The following MCTP1 variants were observed in gnomAD, a reference collection of about 807,000 sequenced individuals.
MCTP1 encodes multiple C2 and transmembrane domain-containing protein 1.
MCTP1 carries 69 observed loss-of-function variants against 120.6 expected under a neutral mutation model. That is an observed-to-expected ratio of 0.57 (90% CI 0.47 to 0.70). The LOEUF is 0.70. Among genes scored for constraint, MCTP1 ranks in the 30% least tolerant of loss-of-function variants. The pLI, the probability that MCTP1 is intolerant of heterozygous loss-of-function variation, is 0.00. For synonymous variants in MCTP1, 529 were observed against 493.1 expected (o/e 1.07, Z -0.96); for missense variants, 1,203 against 1,248.8 (o/e 0.96, Z 0.55).
chr5:94,931,800 AC>A (rs1020444578), intron 6 of MCTP1, 152 bp downstream of exon 6: 17 of 651,310 alleles, frequency 2.6e-5, no homozygotes, highest in African/African-American at 2.4e-4. Flanking sequence ...TATTTAAAAA[AC>A]ATCACATGGT....
chr5:94,832,767 G>A (rs1171487567), intron 17 of MCTP1, among the ~76,000 whole-genome samples: 2 of 152,166 alleles, frequency 1.3e-5, no homozygotes, highest in Admixed American at 6.5e-5. Context: ...GTGGGCCCTT[G>A]TAGTGCAATT....
chr5:95,246,663 A>G (rs954668408), intron 1 of MCTP1, among the ~76,000 whole-genome samples: 16 of 152,218 alleles, frequency 1.1e-4, no homozygotes, highest in African/African-American at 3.9e-4. Context: ...TTCATAAAGC[A>G]AGTCCTTAGA....
chr5:95,018,534 C>CAAAT (rs35546416), intron 1 of MCTP1, among the ~76,000 whole-genome samples: 25,158 of 150,818 alleles, frequency 0.17, 2,521 homozygotes, highest in East Asian at 0.46. Flanking sequence ...AAGACCAAGG[C>CAAAT]AAATAGCTTT....
At chr5:94,915,901 G>C (rs1301091640) in intron 8 of MCTP1, among the ~76,000 whole-genome samples, 3 of 152,040 alleles carry the variant, frequency 2.0e-5, no homozygotes, top group African/African-American at 7.2e-5. Flanking sequence ...TAACCCAGAA[G>C]AACATTTCCA....
At chr5:94,804,116 G>A (rs561195604) in intron 17 of MCTP1, among the ~76,000 whole-genome samples, 1 of 152,274 alleles carries the variant, frequency 6.6e-6, no homozygotes, top group South Asian at 2.1e-4. Context: ...AATGATAGTT[G>A]CTTTAAGCTA....
intron 12 of MCTP1, among the ~76,000 whole-genome samples, chr5:94,878,467 T>C (rs1799382871): frequency 6.6e-6 from 1 of 152,056 alleles, no homozygotes; most frequent in Admixed American, 6.6e-5. Flanking sequence ...GGCAAGAAAA[T>C]TGACACCCTA....
chr5:94,909,057 C>T (rs1023599056), intron 10 of MCTP1, among the ~76,000 whole-genome samples, 194 bp downstream of exon 10: 4 of 152,020 alleles, frequency 2.6e-5, no homozygotes, highest in Non-Finnish European at 5.9e-5. Context: ...AGCCTGTGTC[C>T]ATCAACTGGT....
chr5:94,811,542 A>C (rs1225120521), intron 17 of MCTP1, among the ~76,000 whole-genome samples: 1 of 152,124 alleles, frequency 6.6e-6, no homozygotes, highest in Admixed American at 6.6e-5. Context: ...GTAATTCTGA[A>C]ATGTTTTCTT....
At chr5:94,779,793 AAAAT>A (rs1268297425) in intron 18 of MCTP1, among the ~76,000 whole-genome samples, 1 of 152,180 alleles carries the variant, frequency 6.6e-6, no homozygotes, top group Non-Finnish European at 1.5e-5. Flanking sequence ...AATGAAACTT[AAAAT>A]AATATATAAT....
intron 1 of MCTP1, among the ~76,000 whole-genome samples, chr5:95,198,434 TGA>T (rs1257181561): frequency 6.6e-6 from 1 of 152,150 alleles, no homozygotes; most frequent in African/African-American, 2.4e-5. Flanking sequence ...ATAAATTATA[TGA>T]GATATTCCAT....
At chr5:95,271,577 T>C (rs985506081) in intron 1 of MCTP1, among the ~76,000 whole-genome samples, 3 of 152,158 alleles carry the variant, frequency 2.0e-5, no homozygotes, top group African/African-American at 4.8e-5. Flanking sequence ...AAAACACTAA[T>C]GATTGATATT....
rs996242185 is a variant in MCTP1 at position 95,038,068 on chromosome 5, C to A, written c.721-20584G>T. On this transcript the variant is annotated intron_variant, in intron 1 of 22. Transcript: ENST00000515393. ...ACATATGAGTTTAAAACAAAACTCACGTGTATTTTATCCTTTCAAACATTC... is the reference window on the plus strand; with the variant it reads ...ACATATGAGTTTAAAACAAAACTCAAGTGTATTTTATCCTTTCAAACATTC... 7.6e-5 allele frequency: 72 copies of A among 948,946 alleles called. No homozygotes were observed. In the Admixed American group the frequency reaches 1.7e-3, roughly 23 times the overall value. 58.8% of individuals were successfully genotyped at this position (948,946 alleles called of 1,614,324 possible). A position where few individuals can be genotyped will look rare whatever the true frequency, so the allele number is the denominator to read the frequency against.
chr5:95,143,553 C>T (rs1760117256), intron 1 of MCTP1, among the ~76,000 whole-genome samples: 2 of 152,040 alleles, frequency 1.3e-5, no homozygotes, highest in Admixed American at 1.3e-4. Flanking sequence ...CCATCTTCCC[C>T]TCCCTCCCTT....
chr5:95,206,503 T>C (rs571181460), intron 1 of MCTP1, among the ~76,000 whole-genome samples: 1 of 152,324 alleles, frequency 6.6e-6, no homozygotes, highest in South Asian at 2.1e-4. Flanking sequence ...CATGACATTT[T>C]AGAGACAGGA....
intron 1 of MCTP1, among the ~76,000 whole-genome samples, chr5:95,176,264 C>T (rs1349639695): frequency 2.6e-5 from 4 of 152,154 alleles, no homozygotes; most frequent in African/African-American, 9.7e-5. Flanking sequence ...GTGGCTCACG[C>T]CTGTAATCCC....
At chr5:94,781,632 T>G (rs1413325345) in intron 18 of MCTP1, among the ~76,000 whole-genome samples, 1 of 152,128 alleles carries the variant, frequency 6.6e-6, no homozygotes, top group African/African-American at 2.4e-5. Context: ...TTTCAAAAAT[T>G]CAAAATAAGA....
intron 19 of MCTP1, among the ~76,000 whole-genome samples, chr5:94,734,424 T>G (rs2152716934): frequency 6.6e-6 from 1 of 152,376 alleles, no homozygotes; most frequent in African/African-American, 2.4e-5. Flanking sequence ...TCTTTTCCAC[T>G]TATTAATCTT....
intron 1 of MCTP1, among the ~76,000 whole-genome samples, chr5:95,078,375 C>A (rs1039660785): frequency 6.6e-6 from 1 of 152,138 alleles, no homozygotes; most frequent in Non-Finnish European, 1.5e-5. Context: ...TTCTGCCCCA[C>A]CTGCACATCA....
At chr5:95,168,249 G>A (rs950488079) in intron 1 of MCTP1, among the ~76,000 whole-genome samples, 6 of 152,092 alleles carry the variant, frequency 3.9e-5, no homozygotes, top group Non-Finnish European at 5.9e-5. Context: ...TGTTCCATTG[G>A]TTTATTTCTC....
Sources: allele counts gnomAD v4.1 joint callset (sites outside exome capture counted in the v4.1 genomes callset), GRCh38; gene constraint gnomAD v4.1.1; transcripts MANE v1.5; gene names NCBI Gene and HGNC (gene_info 2026-07-23, HGNC 2026-07-21).